The following ADAM21 variants were observed in gnomAD, a reference collection of about 807,000 sequenced individuals.
The protein encoded by ADAM21 is ADAM metallopeptidase domain 21, also known as disintegrin and metalloproteinase domain-containing protein 21.
For missense variants in ADAM21, 678 were observed against 874.4 expected, an observed-to-expected ratio of 0.78 and a Z score of 2.83; for synonymous variants, 262 against 306.0, an observed-to-expected ratio of 0.86 and a Z score of 1.50.
In ADAM21 at chr14:70,457,457, C is replaced by G. The variant is rs771079819; in HGVS notation, c.-43C>G. ...GACCAGCAGTGCCTCACACCTTGTCCTCTTCTGCTCTGGACAGATGGCTCC... is the reference window on the plus strand; with the variant it reads ...GACCAGCAGTGCCTCACACCTTGTCGTCTTCTGCTCTGGACAGATGGCTCC... On this transcript the variant is annotated 5_prime_UTR_variant, in exon 2 of 2. Coordinates refer to ENST00000603540, the MANE Select transcript of ADAM21 (RefSeq NM_003813.4). 5 of 1,607,110 alleles carry G rather than the reference C, an allele frequency of 3.1e-6. No individual in the cohort carries two copies. In the East Asian group the frequency reaches 8.9e-5, roughly 29 times the overall value.
Position 70,458,721 on chromosome 14 carries a change from C to A in ADAM21, c.1222C>A (p.Arg408Ser), listed in dbSNP as rs745476090. The A allele has an allele frequency of 4.3e-6, 7 of 1,613,854 alleles. No individual in the cohort carries two copies. The highest frequency in any genetic ancestry group is 3.3e-4 in the Middle Eastern group (2 of 6,062). The change falls in exon 2 of 2, where the codon CGC (arginine) becomes AGC (serine). Residue 408 changes from arginine to serine, a missense_variant. Physicochemically the swap from Arg to Ser is moderately radical, Grantham distance 110 (BLOSUM62 -1). Coordinates refer to ENST00000603540, the MANE Select transcript of ADAM21 (RefSeq NM_003813.4). ...ATTGGGGGAAATCTTTATGCTAAAG[C>A]GCTGTGGGAATGGTGTGGTTGAAAG... ...PRLGEIFMLKRCGNGVVEREE... is the reference protein window; with the variant it reads ...PRLGEIFMLKSCGNGVVEREE...
chr14:70,456,912 A>G (rs1394155137), intron 1 of ADAM21, among the ~76,000 whole-genome samples: 9 of 152,356 alleles, frequency 5.9e-5, no homozygotes, highest in Admixed American at 2.0e-4. Context: ...ACTAAAGTAT[A>G]TCATAAGACT....
chr14:70,458,161 T>C lies in ADAM21; in HGVS notation c.662T>C (p.Phe221Ser). 6.2e-7 allele frequency: 1 copy of C among 1,613,874 alleles called. No homozygotes were observed. Among genetic ancestry groups the C allele is most frequent in the Non-Finnish European group, 8.5e-7 (1 of 1,179,900 alleles). The stretch of plus-strand genomic sequence containing the variant: ...GTTGTTGTGGTGAACCATGATTTCT[T>C]CATTTACTCTCAAAGCAACATCTCA... ...ELVVVVNHDFFIYSQSNISKV... is the reference protein window; with the variant it reads ...ELVVVVNHDFSIYSQSNISKV... The change falls in exon 2 of 2, where the codon TTC becomes TCC. Residue 221 changes from phenylalanine (F) to serine (S), a missense_variant. By Grantham distance (155) the Phe-to-Ser change is radical. Transcript: ENST00000603540.
At chr14:70,453,086 T>A (rs1283047771) in intron 1 of ADAM21, among the ~76,000 whole-genome samples, 2 of 152,066 alleles carry the variant, frequency 1.3e-5, no homozygotes, top group Non-Finnish European at 2.9e-5. Flanking sequence ...AAATCCACTT[T>A]ATATTATGAC....
Position 70,457,880 on chromosome 14 carries a change from T to A in ADAM21, c.381T>A (p.Ala127=). Residue 127 remains alanine (A), a synonymous_variant, in exon 2 of 2, where the codon GCT becomes GCA. Coordinates refer to ENST00000603540, the MANE Select transcript of ADAM21 (RefSeq NM_003813.4). ...CTGAGTCTCTGGTTGTGTTCAGTGC[T>A]TGTTTTGGGGGCTTTCGAGGAGTAT... is the stretch of plus-strand genomic sequence containing the variant. The part of the protein sequence containing the change: ...AAPESLVVFS[A]CFGGFRGVLK... 6.2e-7 allele frequency: 1 copy of A among 1,613,980 alleles called. No homozygotes were observed. Among genetic ancestry groups the A allele is most frequent in the Non-Finnish European group, 8.5e-7 (1 of 1,179,988 alleles).
At position 70,459,313 on chromosome 14, in the gene ADAM21, G is replaced by C. The variant is rs772974087; in HGVS notation, c.1814G>C (p.Gly605Ala). 1.2e-6 allele frequency: 2 copies of C among 1,614,092 alleles called. No individual in the cohort carries two copies. The highest frequency in any genetic ancestry group is 1.7e-6 in the Non-Finnish European group (2 of 1,180,042). Residue 605 changes from glycine to alanine, a missense_variant, in exon 2 of 2, where the codon GGT (glycine) becomes GCT (alanine). Coordinates refer to ENST00000603540, the MANE Select transcript of ADAM21 (RefSeq NM_003813.4). ...TTAAGGATGAACATATCTGACATTGGTGAAGTGAAAGATGGTACTGTGTGT... is the reference window on the plus strand; with the variant it reads ...TTAAGGATGAACATATCTGACATTGCTGAAGTGAAAGATGGTACTGTGTGT... ...YHLRMNISDI[G>A]EVKDGTVCGP...
chr14:70,455,067 T>C lies in ADAM21; in HGVS notation c.-151-2282T>C, dbSNP rs552782552. Among the ~76,000 whole-genome samples, 73 of 152,278 alleles carry C rather than the reference T, an allele frequency of 4.8e-4. 1 individual carries two copies. The highest frequency in any genetic ancestry group is 4.3e-4 in the Non-Finnish European group (29 of 68,012). ...GCTCAGGTTCAATACGGTAAGTAGA[T>C]GTAGGGAGCTTTCTGTGAAGAGGTA... On this transcript the variant is annotated intron_variant, in intron 1 of 1. Transcript: ENST00000603540.
Position 70,459,295 on chromosome 14 carries a change from T to C in ADAM21, c.1796T>C (p.Met599Thr). 6.2e-7 allele frequency: 1 copy of C among 1,614,236 alleles called. No homozygotes were observed. The highest frequency in any genetic ancestry group is 1.1e-5 in the South Asian group (1 of 91,086). ...TGGGGTATTGACTATCATTTAAGGA[T>C]GAACATATCTGACATTGGTGAAGTG... is the stretch of plus-strand genomic sequence containing the variant. ...TCWGIDYHLRMNISDIGEVKD... is the reference protein window; with the variant it reads ...TCWGIDYHLRTNISDIGEVKD... Residue 599 changes from methionine to threonine, a missense_variant, in exon 2 of 2, where the codon ATG (methionine) becomes ACG (threonine). Physicochemically the swap from Met to Thr is moderately conservative, Grantham distance 81 (BLOSUM62 -1). Coordinates refer to ENST00000603540, the MANE Select transcript of ADAM21 (RefSeq NM_003813.4).
rs962273862 is a variant in ADAM21 at position 70,457,498 on chromosome 14, TA to T, written c.1del. 8 of 1,603,934 alleles carry T rather than the reference TA, an allele frequency of 5.0e-6. No individual in the cohort carries two copies. In the African/African-American group the frequency reaches 6.7e-5, roughly 13 times the overall value. On this transcript the variant is annotated 5_prime_UTR_variant, in exon 2 of 2. Transcript: ENST00000603540. ...AGATGGCTCCATAACGACAGCTTCA[TA>T]ATGGCAGTGGATGGGACCCTCGTGT...
intron 1 of ADAM21, among the ~76,000 whole-genome samples, chr14:70,452,982 T>C (rs8014252): frequency 0.19 from 29,116 of 152,018 alleles, 3,904 homozygotes; most frequent in East Asian, 0.53. Flanking sequence ...GAGGTGGATA[T>C]AGGCAGATTC....
chr14:70,455,198 G>A (rs1164359148), intron 1 of ADAM21, among the ~76,000 whole-genome samples: 1 of 152,156 alleles, frequency 6.6e-6, no homozygotes, highest in East Asian at 1.9e-4. Context: ...TTGAATCAGG[G>A]CAAAGAAAGC....
At chr14:70,452,759 G>T (rs911825730) in intron 1 of ADAM21, among the ~76,000 whole-genome samples, 32 of 152,182 alleles carry the variant, frequency 2.1e-4, no homozygotes, top group African/African-American at 7.0e-4. Context: ...GGATTGCTGG[G>T]TGCAGCACTT....
In ADAM21 at chr14:70,458,465, T is replaced by C. The variant is rs1594983628; in HGVS notation, c.966T>C (p.Cys322=). ...GAATATGTCGTCCACCTATTGATTG[T>C]GGAGTTGATAATTTTCAAGGAGATA... ...VAGICRPPID[C]GVDNFQGDTW... is the part of the protein sequence containing the mutation. Residue 322 remains cysteine, a synonymous_variant, in exon 2 of 2, where the codon TGT becomes TGC. Transcript: ENST00000603540. The C allele has an allele frequency of 2.5e-6, 4 of 1,613,974 alleles. No individual in the cohort carries two copies. The highest frequency in any genetic ancestry group is 3.4e-6 in the Non-Finnish European group (4 of 1,179,988).
intron 1 of ADAM21, among the ~76,000 whole-genome samples, chr14:70,454,920 T>G (rs1263635087): frequency 6.6e-6 from 1 of 152,174 alleles, no homozygotes; most frequent in Non-Finnish European, 1.5e-5. Flanking sequence ...GCAGGATAAA[T>G]GATTTGGTGT....
rs757564144 is a variant in ADAM21, at chr14:70,459,476, A to G, written c.1977A>G (p.Pro659=). ...GCCACTGTGGCTATGGGTGGTCCCC[A>G]CCCTACTGCCAGCACAGAGGCTATG... ...HHCHCGYGWS[P]PYCQHRGYGG... The change falls in exon 2 of 2, where the codon CCA becomes CCG. Residue 659 remains proline, a synonymous_variant. Coordinates refer to ENST00000603540, the MANE Select transcript of ADAM21 (RefSeq NM_003813.4). The G allele has an allele frequency of 1.6e-5, 26 of 1,614,080 alleles. No individual in the cohort carries two copies. Among genetic ancestry groups the G allele is most frequent in the East Asian group, 1.6e-4 (7 of 44,888 alleles).
At position 70,459,464 on chromosome 14, in the gene ADAM21, T is replaced by G. The variant is rs536493174; in HGVS notation, c.1965T>G (p.Tyr655Ter). The G allele has an allele frequency of 4.2e-5, 68 of 1,614,248 alleles. No homozygotes were observed. In the South Asian group the frequency reaches 4.9e-4, roughly 12 times the overall value. The change falls in exon 2 of 2, where the codon TAT (tyrosine) becomes TAG (stop). Residue 655 changes from tyrosine to a stop codon, truncating the protein, a stop_gained. Transcript: ENST00000603540. LOFTEE classifies it low-confidence loss of function (END_TRUNC). Reference protein sequence around the residue: ...CNNKHHCHCGYGWSPPYCQHR... With the variant: ...CNNKHHCHCG ...ACAAACATCACTGCCACTGTGGCTA[T>G]GGGTGGTCCCCACCCTACTGCCAGC...
Position 70,459,044 on chromosome 14 carries a change from G to A in ADAM21, c.1545G>A (p.Arg515=). Residue 515 remains arginine (R), a synonymous_variant, in exon 2 of 2, where the codon AGG becomes AGA. Transcript: ENST00000603540. ...KRCNNHDQHC[R]EIFGKDAKSA... ...GTAATAACCATGACCAGCATTGCAG[G>A]GAGATTTTTGGTAAAGATGCAAAAA... 1 of 1,613,854 alleles carries A rather than the reference G, an allele frequency of 6.2e-7. No homozygotes were observed. The highest frequency in any genetic ancestry group is 8.5e-7 in the Non-Finnish European group (1 of 1,179,956).
intron 1 of ADAM21, among the ~76,000 whole-genome samples, chr14:70,454,132 G>T (rs1381095753): frequency 2.6e-5 from 4 of 152,192 alleles, no homozygotes; most frequent in African/African-American, 7.2e-5. Context: ...GATTGAGGAG[G>T]TGCAAATGCA....
chr14:70,458,867 G>A lies in ADAM21; in HGVS notation c.1368G>A (p.Lys456=), dbSNP rs367564020. The stretch of plus-strand genomic sequence containing the variant: ...TTGGGCTTTGTTGCAAAGACTGCAA[G>A]TTCATGCCATCAGGGGAACTCTGTA... ...CAFGLCCKDC[K]FMPSGELCRQ... The change falls in exon 2 of 2, where the codon AAG becomes AAA. Residue 456 remains lysine (K), a synonymous_variant. Coordinates refer to ENST00000603540, the MANE Select transcript of ADAM21 (RefSeq NM_003813.4). 1,073 of 1,614,160 alleles carry A rather than the reference G, an allele frequency of 6.6e-4. 7 individuals carry two copies. The African/African-American group carries it at 0.012, about 18-fold the overall frequency.
Sources: gnomAD v4.1 joint callset for allele counts (sites outside exome capture counted in the v4.1 genomes callset) on GRCh38, gnomAD v4.1.1 for gene constraint, MANE v1.5 for transcripts, NCBI Gene and HGNC (gene_info 2026-07-23, HGNC 2026-07-21) for gene names.